The following SUGCT variants were observed in gnomAD, a reference collection of about 807,000 sequenced individuals.
The protein encoded by SUGCT is succinyl-CoA:glutarate-CoA transferase, also known as succinyl-CoA:glutarate CoA-transferase.
In SUGCT, 41 loss-of-function variants were observed where a neutral mutation model predicts 55.0. That is an observed-to-expected ratio of 0.74 (90% CI 0.58 to 0.97). SUGCT has a LOEUF of 0.97. SUGCT is among the 50% of genes least tolerant of loss of function. SUGCT has a pLI of 0.00. For missense variants in SUGCT, 568 were observed against 547.8 expected (o/e 1.04, Z -0.37); for synonymous variants, 187 against 200.4 (o/e 0.93, Z 0.56).
chr7:40,137,085 AG>A (rs1787737334), intron 1 of SUGCT, among the ~76,000 whole-genome samples: 2 of 151,876 alleles, frequency 1.3e-5, no homozygotes, highest in Non-Finnish European at 2.9e-5. Flanking sequence ...TACTCAGGGG[AG>A]GGGGCAGAAA....
At chr7:40,244,960 C>T (rs1789719446) in intron 7 of SUGCT, among the ~76,000 whole-genome samples, 1 of 152,166 alleles carries the variant, frequency 6.6e-6, no homozygotes, top group South Asian at 2.1e-4. Flanking sequence ...ACCTTATTCT[C>T]TTCCTCAGAT....
intron 13 of SUGCT, among the ~76,000 whole-genome samples, chr7:40,842,000 T>A (rs989450768): frequency 6.6e-6 from 1 of 152,216 alleles, no homozygotes; most frequent in Non-Finnish European, 1.5e-5. Flanking sequence ...TTAAATACTT[T>A]TAAATAATTC....
At chr7:40,769,356 G>A (rs1034721187) in intron 13 of SUGCT, among the ~76,000 whole-genome samples, 2 of 152,188 alleles carry the variant, frequency 1.3e-5, no homozygotes, top group Admixed American at 6.5e-5. Context: ...AATATGTCAT[G>A]TCTTAATCCC....
intron 3 of SUGCT, among the ~76,000 whole-genome samples, chr7:40,182,899 A>C (rs1785297004): frequency 6.6e-6 from 1 of 151,732 alleles, no homozygotes; most frequent in African/African-American, 2.4e-5. Context: ...AATCAAGGGA[A>C]GGCCAGGAGA....
intron 9 of SUGCT, among the ~76,000 whole-genome samples, chr7:40,395,489 C>CAAAAAAAAA (rs36068766): frequency 1.3e-4 from 6 of 46,126 alleles, no homozygotes; most frequent in Non-Finnish European, 2.6e-4. Flanking sequence ...AACTCTGTCT[C>CAAAAAAAAA]AAAAAAAAAA....
At chr7:40,853,898 T>A (rs918186977) in intron 13 of SUGCT, among the ~76,000 whole-genome samples, 3 of 152,182 alleles carry the variant, frequency 2.0e-5, no homozygotes, top group Admixed American at 1.3e-4. Context: ...ATAGCGACCA[T>A]GAAAAGCATT....
At chr7:40,301,609 C>T (rs542656924) in intron 8 of SUGCT, among the ~76,000 whole-genome samples, 2 of 152,326 alleles carry the variant, frequency 1.3e-5, no homozygotes, top group African/African-American at 4.8e-5. Context: ...TCATCATGTA[C>T]TGTGTAGTCT....
intron 13 of SUGCT, among the ~76,000 whole-genome samples, chr7:40,807,779 C>T (rs904065888): frequency 1.3e-5 from 2 of 152,116 alleles, no homozygotes; most frequent in Non-Finnish European, 2.9e-5. Flanking sequence ...AGGTGAGGTC[C>T]CACAATAGGT....
In SUGCT at chr7:40,226,587, C is replaced by A. The variant is rs1584393259; in HGVS notation, c.485-11048C>A. Among the ~76,000 whole-genome samples the A allele has an allele frequency of 5.6e-5, 8 of 141,712 alleles. 1 individual carries two copies. In the South Asian group the frequency reaches 1.8e-3, roughly 33 times the overall value. The allele number at this position is 141,712 out of a possible 152,430, so 93.0% of individuals were successfully genotyped here. A position where few individuals can be genotyped will look rare whatever the true frequency, so the allele number is the denominator to read the frequency against. ...GAATCTTCAGAATAGAAAACTAACT[C>A]TTTTTTTTTTTTTTCAGGTGTAGGG... is the stretch of plus-strand genomic sequence containing the variant. On this transcript the variant is annotated intron_variant, in intron 6 of 13. Coordinates refer to ENST00000335693, the MANE Select transcript of SUGCT (RefSeq NM_001193313.2).
chr7:40,856,109 G>A (rs190158866), intron 13 of SUGCT, among the ~76,000 whole-genome samples: 83 of 152,192 alleles, frequency 5.5e-4, no homozygotes, highest in African/African-American at 1.7e-3. Flanking sequence ...ACTGGCATCC[G>A]CTTGCTCTTA....
chr7:40,971,566 C>G, the SUGCT span, among the ~76,000 whole-genome samples: 3 of 152,158 alleles, frequency 2.0e-5, no homozygotes, highest in Non-Finnish European at 4.4e-5. Flanking sequence ...GAGTCTCAGG[C>G]TTCCTGGGTG....
intron 2 of SUGCT, 104 bp downstream of exon 2, chr7:40,181,102 AT>A: frequency 1.2e-6 from 1 of 825,256 alleles, no homozygotes; most frequent in Non-Finnish European, 2.0e-6. Context: ...TTATGTTGAA[AT>A]TTTAGAGAAG....
chr7:40,664,365 A>C (rs932350507), intron 12 of SUGCT, among the ~76,000 whole-genome samples: 2 of 152,166 alleles, frequency 1.3e-5, no homozygotes, highest in African/African-American at 4.8e-5. Flanking sequence ...TAACTCAAAT[A>C]GTCATTAACA....
intron 12 of SUGCT, among the ~76,000 whole-genome samples, chr7:40,637,617 G>A (rs573558257): frequency 1.3e-5 from 2 of 152,204 alleles, no homozygotes; most frequent in East Asian, 3.8e-4. Flanking sequence ...CCCCACTTCA[G>A]CGTGATGGTC....
chr7:40,960,509 T>C, the SUGCT span, among the ~76,000 whole-genome samples: 1 of 152,234 alleles, frequency 6.6e-6, no homozygotes, highest in African/African-American at 2.4e-5. Flanking sequence ...GACAAAATCC[T>C]GGACAATACA....
At chr7:40,825,854 G>A (rs781135650) in intron 13 of SUGCT, among the ~76,000 whole-genome samples, 47 of 152,170 alleles carry the variant, frequency 3.1e-4, no homozygotes, top group Non-Finnish European at 5.6e-4. Flanking sequence ...GTATTTCAAT[G>A]TTAGTATTGC....
intron 7 of SUGCT, among the ~76,000 whole-genome samples, chr7:40,240,309 C>A (rs1469866922): frequency 6.6e-6 from 1 of 152,072 alleles, no homozygotes; most frequent in Non-Finnish European, 1.5e-5. Flanking sequence ...CATGGAGAAA[C>A]CCCATCTGTA....
intron 9 of SUGCT, among the ~76,000 whole-genome samples, chr7:40,335,836 G>A (rs1224721076): frequency 1.3e-5 from 2 of 152,300 alleles, no homozygotes; most frequent in East Asian, 3.9e-4. Context: ...AGTTTTCAAA[G>A]GCAATGCTTC....
At position 40,662,673 on chromosome 7, in the gene SUGCT, C is replaced by T. The variant is rs149084195; in HGVS notation, c.1090-86761C>T. ...CCTCTTTCAGGTCTCATTTCATATACTGCCTCCTCAAGAAATCTTGCATGA... is the reference window on the plus strand; with the variant it reads ...CCTCTTTCAGGTCTCATTTCATATATTGCCTCCTCAAGAAATCTTGCATGA... On this transcript the variant is annotated intron_variant, in intron 12 of 13. Coordinates refer to ENST00000335693, the MANE Select transcript of SUGCT (RefSeq NM_001193313.2). 6.4e-4 allele frequency among the ~76,000 whole-genome samples: 97 copies of T among 152,350 alleles called. 1 individual carries two copies. In the East Asian group the frequency reaches 0.014, roughly 21 times the overall value.
Sources: gnomAD v4.1 joint callset for allele counts (sites outside exome capture counted in the v4.1 genomes callset) on GRCh38, gnomAD v4.1.1 for gene constraint, MANE v1.5 for transcripts, NCBI Gene and HGNC (gene_info 2026-07-23, HGNC 2026-07-21) for gene names.